The following HS6ST3 variants were observed in gnomAD, a reference collection of about 807,000 sequenced individuals.
The protein encoded by HS6ST3 is heparan sulfate 6-O-sulfotransferase 3.
HS6ST3 carries 12 observed loss-of-function variants against 36.7 expected under a neutral mutation model. The ratio of observed to expected loss-of-function variants is 0.33; its 90% confidence interval spans 0.21 to 0.53. The LOEUF (loss-of-function observed/expected upper bound fraction) is 0.53. Ranked by LOEUF, HS6ST3 falls within the 20% of genes least tolerant of loss-of-function variation. The pLI, the probability that HS6ST3 is intolerant of heterozygous loss-of-function variation, is 0.95. For missense variants in HS6ST3, 584 were observed against 640.9 expected, an observed-to-expected ratio of 0.91 and a Z score of 0.96; for synonymous variants, 240 against 257.5, an observed-to-expected ratio of 0.93 and a Z score of 0.65.
At chr13:96,209,595 A>G (rs1401699956) in intron 1 of HS6ST3, among the ~76,000 whole-genome samples, 1 of 152,202 alleles carries the variant, frequency 6.6e-6, no homozygotes, top group African/African-American at 2.4e-5. Flanking sequence ...ACATTTGGCT[A>G]TAGCAGTGTC....
chr13:96,585,337 C>T (rs1489095039), intron 1 of HS6ST3, among the ~76,000 whole-genome samples: 2 of 152,122 alleles, frequency 1.3e-5, no homozygotes, highest in African/African-American at 4.8e-5. Context: ...CAATTCAATA[C>T]ATTTTTTTAA....
chr13:96,392,274 C>G (rs748561866), intron 1 of HS6ST3, among the ~76,000 whole-genome samples: 1 of 152,128 alleles, frequency 6.6e-6, no homozygotes, highest in African/African-American at 2.4e-5. Flanking sequence ...TTAAATAAGA[C>G]AAGACTAATT....
chr13:96,614,324 A>T (rs111699653), intron 1 of HS6ST3, among the ~76,000 whole-genome samples: 43,171 of 123,464 alleles, frequency 0.35, 6,580 homozygotes, highest in Non-Finnish European at 0.39. Flanking sequence ...AAAAAAAAAA[A>T]AAAACAGTTA....
chr13:96,442,828 G>GA (rs2055679630), intron 1 of HS6ST3, among the ~76,000 whole-genome samples: 1 of 147,780 alleles, frequency 6.8e-6, no homozygotes, highest in Non-Finnish European at 1.5e-5. Flanking sequence ...CGAACTTAAG[G>GA]AAAAAACAAA....
chr13:96,606,607 G>C (rs1263060720), intron 1 of HS6ST3, among the ~76,000 whole-genome samples: 1 of 94,838 alleles, frequency 1.1e-5, no homozygotes, highest in Admixed American at 9.4e-5. Context: ...GGGAGGGAGG[G>C]AGGGAGGGAG....
intron 1 of HS6ST3, among the ~76,000 whole-genome samples, chr13:96,333,555 T>A (rs1405323108): frequency 6.6e-6 from 1 of 152,128 alleles, no homozygotes; most frequent in Non-Finnish European, 1.5e-5. Flanking sequence ...AGCCTGTAGC[T>A]TTACCCAGCT....
chr13:96,640,166 A>C (rs2056565393), intron 1 of HS6ST3, among the ~76,000 whole-genome samples: 1 of 152,036 alleles, frequency 6.6e-6, no homozygotes, highest in Admixed American at 6.6e-5. Flanking sequence ...CAGTGGCTGA[A>C]CTAATTTACA....
chr13:96,149,054 G>A (rs530280992), intron 1 of HS6ST3, among the ~76,000 whole-genome samples: 35 of 152,204 alleles, frequency 2.3e-4, no homozygotes, highest in African/African-American at 7.2e-4. Context: ...AAAATATAGC[G>A]TCTCATTTAG....
intron 1 of HS6ST3, among the ~76,000 whole-genome samples, chr13:96,739,965 A>G (rs760434720): frequency 4.6e-5 from 7 of 152,040 alleles, no homozygotes; most frequent in Non-Finnish European, 1.0e-4. Context: ...GTGCTCACTT[A>G]TACTTCCCCT....
chr13:96,721,739 A>G (rs925770250), intron 1 of HS6ST3, among the ~76,000 whole-genome samples: 1 of 152,182 alleles, frequency 6.6e-6, no homozygotes, highest in Non-Finnish European at 1.5e-5. Context: ...AGCATTGTGC[A>G]TTGGCCGTAT....
intron 1 of HS6ST3, among the ~76,000 whole-genome samples, chr13:96,128,956 C>G (rs2053964117): frequency 6.6e-6 from 1 of 151,948 alleles, no homozygotes; most frequent in Non-Finnish European, 1.5e-5. Flanking sequence ...AGTGATTCTC[C>G]TGCGTCAGCC....
chr13:96,613,024 T>G (rs1033087367), intron 1 of HS6ST3, among the ~76,000 whole-genome samples: 1 of 152,194 alleles, frequency 6.6e-6, no homozygotes, highest in Non-Finnish European at 1.5e-5. Context: ...CCTTCACTGA[T>G]TCAGGTCTCT....
chr13:96,355,587 T>C (rs1012547128), intron 1 of HS6ST3, among the ~76,000 whole-genome samples: 1 of 152,132 alleles, frequency 6.6e-6, no homozygotes, highest in Non-Finnish European at 1.5e-5. Flanking sequence ...TGTCTAAAAA[T>C]GTACTTACAT....
intron 1 of HS6ST3, among the ~76,000 whole-genome samples, chr13:96,288,591 T>C (rs1197547928): frequency 6.6e-6 from 1 of 152,064 alleles, no homozygotes; most frequent in Non-Finnish European, 1.5e-5. Context: ...TTAGCAGCCA[T>C]TCCCAATAAA....
chr13:96,121,354 A>G (rs894501069), intron 1 of HS6ST3, among the ~76,000 whole-genome samples: 2 of 152,232 alleles, frequency 1.3e-5, no homozygotes, highest in African/African-American at 4.8e-5. Flanking sequence ...AAGGTAGAGT[A>G]AGGCTAGAAT....
intron 1 of HS6ST3, among the ~76,000 whole-genome samples, chr13:96,569,788 A>G (rs1182560369): frequency 6.6e-6 from 1 of 152,186 alleles, no homozygotes; most frequent in Non-Finnish European, 1.5e-5. Context: ...GTGCAGAAAA[A>G]TGTAAACCCT....
At chr13:96,586,063 C>A (rs1454073368) in intron 1 of HS6ST3, among the ~76,000 whole-genome samples, 1 of 152,078 alleles carries the variant, frequency 6.6e-6, no homozygotes, top group Admixed American at 6.6e-5. Flanking sequence ...CACATCCTTG[C>A]TACTACTTTT....
At chr13:96,682,392 AT>A in intron 1 of HS6ST3, among the ~76,000 whole-genome samples, 1 of 152,226 alleles carries the variant, frequency 6.6e-6, no homozygotes, top group South Asian at 2.1e-4. Flanking sequence ...TTCCTCATCC[AT>A]GTTTAGTTCA....
At chr13:96,737,557 G>A (rs960571727) in intron 1 of HS6ST3, among the ~76,000 whole-genome samples, 2 of 148,440 alleles carry the variant, frequency 1.3e-5, no homozygotes, top group African/African-American at 2.5e-5. Context: ...CCCGGGAAGC[G>A]GAGCTTGCAG....
Sources: gnomAD v4.1 joint callset for allele counts (sites outside exome capture counted in the v4.1 genomes callset) on GRCh38, gnomAD v4.1.1 for gene constraint, MANE v1.5 for transcripts, NCBI Gene and HGNC (gene_info 2026-07-23, HGNC 2026-07-21) for gene names.